The following BTBD8 variants were observed in gnomAD, a reference collection of about 807,000 sequenced individuals.
BTBD8 encodes BTB domain containing 8.
A neutral mutation model predicts 162.9 loss-of-function variants in BTBD8; 110 were observed. The ratio of observed to expected loss-of-function variants is 0.68; its 90% CI spans 0.58 to 0.79. The LOEUF is 0.79. Among genes scored for constraint, BTBD8 ranks in the 30% least tolerant of loss-of-function variants. The probability of loss-of-function intolerance (pLI) is 0.00; values close to 1 mark genes in which losing one functional copy is unlikely to be tolerated. For synonymous variants in BTBD8, 667 were observed against 716.1 expected, an observed-to-expected ratio of 0.93 and a Z score of 1.10; for missense variants, 1,905 against 2,085.4, an observed-to-expected ratio of 0.91 and a Z score of 1.68.
At chr1:92,155,745 ATGT>A (rs1264447568) in intron 9 of BTBD8, among the ~76,000 whole-genome samples, 2 of 152,280 alleles carry the variant, frequency 1.3e-5, no homozygotes, top group East Asian at 3.9e-4. Flanking sequence ...TCAGTCATTA[ATGT>A]TGTTAGTTGA....
In BTBD8 at chr1:92,181,044, A is replaced by T; in HGVS notation, c.3361A>T (p.Ile1121Leu). 2 of 1,551,864 alleles carry T rather than the reference A, an allele frequency of 1.3e-6. No individual in the cohort carries two copies. The highest frequency in any genetic ancestry group is 1.7e-6 in the Non-Finnish European group (2 of 1,147,012). The change falls in exon 17 of 18, where the codon ATA becomes TTA. Residue 1121 changes from isoleucine to leucine, a missense_variant. By Grantham distance (5) the Ile-to-Leu change is conservative. Around this residue, in one of 3 missense-constraint regions of BTBD8, gnomAD observed 1,374 missense variants for 1,442.7 expected, o/e 0.95. Transcript: ENST00000636805. ...AACAAGTGCAGGGCAAATCCATTTGATATCAGATAGGGAGAACCAAGTAGG... is the reference window on the plus strand; with the variant it reads ...AACAAGTGCAGGGCAAATCCATTTGTTATCAGATAGGGAGAACCAAGTAGG... The part of the protein sequence containing the change: ...DSTSAGQIHL[I>L]SDRENQVGRK...
At chr1:92,173,383 C>T (rs1189775212) in intron 13 of BTBD8, among the ~76,000 whole-genome samples, 2 of 152,256 alleles carry the variant, frequency 1.3e-5, no homozygotes, top group African/African-American at 2.4e-5. Flanking sequence ...GCATATTATA[C>T]GATTCCACAG....
intron 13 of BTBD8, among the ~76,000 whole-genome samples, chr1:92,173,314 A>G (rs911740232): frequency 1.3e-5 from 2 of 152,238 alleles, no homozygotes; most frequent in Non-Finnish European, 2.9e-5. Flanking sequence ...GTTGCATCCA[A>G]AATTTTCCCC....
chr1:92,120,470 C>G (rs1649180483), intron 4 of BTBD8, among the ~76,000 whole-genome samples: 1 of 152,030 alleles, frequency 6.6e-6, no homozygotes, highest in Admixed American at 6.5e-5. Context: ...TAGGAGTACT[C>G]TAAAATAACA....
At chr1:92,092,675 C>T (rs545857231) in intron 2 of BTBD8, among the ~76,000 whole-genome samples, 1 of 152,222 alleles carries the variant, frequency 6.6e-6, no homozygotes, top group Admixed American at 6.5e-5. Context: ...AGTTCTATAC[C>T]ACCGGTTTGT....
At chr1:92,168,827 G>T in intron 11 of BTBD8, 39 bp from the exon 12 acceptor site, 1 of 1,478,482 alleles carries the variant, frequency 6.8e-7, no homozygotes, top group African/African-American at 1.4e-5. Flanking sequence ...CTATGACAAT[G>T]TGGCTCTCAC....
rs1421490195 is a variant in BTBD8, at chr1:92,129,862, C to T, written c.752+86C>T. ...AGCACTTTTTATGAATCTGATTTCC[C>T]TGGATGTTCAAGGAAATATTTCTCA... is the stretch of plus-strand genomic sequence containing the variant. On this transcript the variant is annotated intron_variant, in intron 5 of 17. Transcript: ENST00000636805. The T allele has an allele frequency of 3.5e-6, 4 of 1,131,484 alleles. No homozygotes were observed. The East Asian group carries it at 7.1e-5, about 20-fold the overall frequency. 70.1% of individuals were successfully genotyped at this position (1,131,484 alleles called of 1,614,324 possible).
At chr1:92,082,083 T>G (rs1056458937) in intron 1 of BTBD8, among the ~76,000 whole-genome samples, 3 of 152,180 alleles carry the variant, frequency 2.0e-5, no homozygotes, top group Non-Finnish European at 4.4e-5. Context: ...GGGTAACACA[T>G]CTAATTTATA....
chr1:92,118,246 T>G (rs1649096438), intron 4 of BTBD8, among the ~76,000 whole-genome samples: 1 of 151,510 alleles, frequency 6.6e-6, no homozygotes, highest in Non-Finnish European at 1.5e-5. Context: ...CCTGTCTCCT[T>G]AGGCTCCTCT....
At chr1:92,152,362 A>G (rs1650065225) in intron 9 of BTBD8, among the ~76,000 whole-genome samples, 1 of 152,182 alleles carries the variant, frequency 6.6e-6, no homozygotes, top group Non-Finnish European at 1.5e-5. Context: ...CTCAGTATGT[A>G]TTGTCAAATA....
intron 4 of BTBD8, among the ~76,000 whole-genome samples, chr1:92,128,418 A>G (rs1269448492): frequency 3.9e-5 from 6 of 152,120 alleles, no homozygotes; most frequent in African/African-American, 1.4e-4. Context: ...AGCTGGGACA[A>G]CAGGCGCCTG....
At chr1:92,114,212 T>C (rs541856295) in intron 4 of BTBD8, among the ~76,000 whole-genome samples, 24 of 152,068 alleles carry the variant, frequency 1.6e-4, no homozygotes, top group African/African-American at 5.8e-4. Flanking sequence ...AATGAAGCAC[T>C]GAGGATTAAA....
At chr1:92,103,600 A>T (rs1448535495) in intron 3 of BTBD8, among the ~76,000 whole-genome samples, 1 of 152,184 alleles carries the variant, frequency 6.6e-6, no homozygotes, top group African/African-American at 2.4e-5. Context: ...CAGAAAAGGA[A>T]CACCAAAATT....
intron 4 of BTBD8, among the ~76,000 whole-genome samples, chr1:92,117,888 C>G (rs996663541): frequency 6.6e-6 from 1 of 151,996 alleles, no homozygotes; most frequent in Non-Finnish European, 1.5e-5. Flanking sequence ...GAGTCCTGTA[C>G]TGCCTTTTTC....
intron 4 of BTBD8, among the ~76,000 whole-genome samples, chr1:92,116,419 G>T (rs1649043581): frequency 6.6e-6 from 1 of 151,972 alleles, no homozygotes. Context: ...ATTAATTACT[G>T]ATGGAGTATT....
intron 4 of BTBD8, among the ~76,000 whole-genome samples, chr1:92,124,077 C>T (rs1649286036): frequency 6.6e-6 from 1 of 152,160 alleles, no homozygotes; most frequent in Non-Finnish European, 1.5e-5. Context: ...GTGAAGATTG[C>T]CAGAAGCTAT....
In BTBD8 at chr1:92,177,909, A is replaced by G. The variant is rs370509700; in HGVS notation, c.2441+11A>G. 1.4e-3 allele frequency: 1,913 copies of G among 1,387,184 alleles called. 4 individuals are homozygous for G. Among genetic ancestry groups the G allele is most frequent in the Middle Eastern group, 2.4e-3 (13 of 5,454 alleles). 85.9% of individuals were successfully genotyped at this position (1,387,184 alleles called of 1,614,324 possible). ...TAATGTAAATAACAGGTAGGTCTTCATTCAGTGTTTTAACCTATCTGTTAG... is the reference window on the plus strand; with the variant it reads ...TAATGTAAATAACAGGTAGGTCTTCGTTCAGTGTTTTAACCTATCTGTTAG... On this transcript the variant is annotated intron_variant, in intron 15 of 17. Coordinates refer to ENST00000636805, the MANE Select transcript of BTBD8 (RefSeq NM_001376131.1).
intron 8 of BTBD8, 46 bp downstream of exon 8, chr1:92,147,314 G>A (rs374654085): frequency 6.7e-7 from 1 of 1,501,118 alleles, no homozygotes; most frequent in Non-Finnish European, 9.2e-7. Flanking sequence ...TAGGGATTTT[G>A]TTTTTCTGTT....
At chr1:92,125,313 G>C in intron 4 of BTBD8, 2 of 197,906 alleles carry the variant, frequency 1.0e-5, no homozygotes, top group Non-Finnish European at 2.1e-5. Context: ...ATGGCGTCTG[G>C]TGACACTGCT....
Sources: gnomAD v4.1 joint callset for allele counts (sites outside exome capture counted in the v4.1 genomes callset) on GRCh38, gnomAD v4.1.1 for gene constraint, gnomAD v4.1.1 regional missense constraint, MANE v1.5 for transcripts, NCBI Gene and HGNC (gene_info 2026-07-23, HGNC 2026-07-21) for gene names.